COL3A1: variants seen among roughly 807,000 people sequenced by gnomAD.
The protein encoded by COL3A1 is collagen alpha-1(III) chain.
In COL3A1, 46 loss-of-function variants were observed where a neutral mutation model predicts 200.9. The ratio of observed to expected loss-of-function variants is 0.23; its 90% CI spans 0.18 to 0.29. The LOEUF (loss-of-function observed/expected upper bound fraction) is 0.29, where lower values mean the gene tolerates loss of function less well. Among genes scored for constraint, COL3A1 ranks in the 10% least tolerant of loss-of-function variants. The probability of loss-of-function intolerance (pLI) is 1.00; values close to 1 mark genes in which losing one functional copy is unlikely to be tolerated. For synonymous variants in COL3A1, 650 were observed against 628.0 expected, an observed-to-expected ratio of 1.03 and a Z score of -0.52; for missense variants, 1,367 against 1,917.6, an observed-to-expected ratio of 0.71 and a Z score of 5.36.
At position 189,006,349 on chromosome 2, in the gene COL3A1, A is replaced by T. The variant is rs1060500206; in HGVS notation, c.3098A>T (p.Asp1033Val). 3 of 1,614,016 alleles carry T rather than the reference A, an allele frequency of 1.9e-6. No individual in the cohort carries two copies. The African/African-American group carries it at 4.0e-5, about 22-fold the overall frequency. Residue 1033 changes from aspartate (D) to valine (V), a missense_variant, in exon 43 of 51, where the codon GAT (aspartate) becomes GTT (valine). Around this residue, in one of 5 missense-constraint regions of COL3A1, gnomAD observed 846 missense variants for 1,147.9 expected, o/e 0.74. Transcript: ENST00000304636. ...GRDGSPGGKGDRGENGSPGAP... is the reference protein window; with the variant it reads ...GRDGSPGGKGVRGENGSPGAP... ...TACCTATGAATTTGTTCACAGGGTG[A>T]TCGTGGTGAAAATGGCTCTCCTGGT...
intron 46 of COL3A1, 48 bp downstream of exon 46, chr2:189,007,986 G>A (rs772039992): frequency 2.0e-5 from 32 of 1,613,748 alleles, no homozygotes; most frequent in Non-Finnish European, 2.5e-5. Context: ...TCAGATGTCT[G>A]CATTTCAGAA....
At chr2:188,995,555 TA>T in intron 21 of COL3A1, 136 bp from the exon 22 acceptor site, 2 of 644,310 alleles carry the variant, frequency 3.1e-6, no homozygotes, top group Non-Finnish European at 5.4e-6. Context: ...TAACTGATTT[TA>T]TGTATAAATG....
At position 188,996,182 on chromosome 2, in the gene COL3A1, T is replaced by C. The variant is rs1319321003; in HGVS notation, c.1662+4T>C. On this transcript the variant is annotated splice_donor_region_variant and intron_variant, in intron 23 of 50. Coordinates refer to ENST00000304636, the MANE Select transcript of COL3A1 (RefSeq NM_000090.4). ...TGATGGGAAACCAGGGCCTCCCGTA[T>C]GTACATTTTTAAAATCTCATTTTAA... 4.3e-6 allele frequency: 7 copies of C among 1,613,102 alleles called. No homozygotes were observed. The highest frequency in any genetic ancestry group is 1.3e-5 in the African/African-American group (1 of 74,906).
At chr2:188,989,843 G>A (rs1688148617) in intron 8 of COL3A1, among the ~76,000 whole-genome samples, 1 of 151,996 alleles carries the variant, frequency 6.6e-6, no homozygotes, top group African/African-American at 2.4e-5. Flanking sequence ...AATCTCCAAT[G>A]GCAAATTCTT....
In COL3A1 at chr2:188,999,588, G is replaced by T; in HGVS notation, c.2229+11G>T. ...CCAAAGGGTGACAAGGTGTTGACTT[G>T]TTTTCTCTTAATTGTTCAATAAATC... On this transcript the variant is annotated intron_variant, in intron 31 of 50. Transcript: ENST00000304636. 6.2e-7 allele frequency: 1 copy of T among 1,602,710 alleles called. No individual in the cohort carries two copies. Among genetic ancestry groups the T allele is most frequent in the Non-Finnish European group, 8.5e-7 (1 of 1,174,500 alleles).
chr2:188,974,607 T>C lies in COL3A1; in HGVS notation c.79+39T>C, dbSNP rs776906485. The C allele has an allele frequency of 2.0e-5, 31 of 1,548,524 alleles. No homozygotes were observed. The Admixed American group carries it at 4.8e-4, about 24-fold the overall frequency. On this transcript the variant is annotated intron_variant, in intron 1 of 50. Transcript: ENST00000304636. The stretch of plus-strand genomic sequence containing the variant: ...GATTTCAAGAAACTTTATGGGATTT[T>C]TGTCTTTCTTCTCCTCACAAAGAGG...
At chr2:189,010,049 T>C (rs1048753919) in intron 48 of COL3A1, 129 bp from the exon 49 acceptor site, 1 of 845,702 alleles carries the variant, frequency 1.2e-6, no homozygotes. Flanking sequence ...AAAGCTTCTC[T>C]ATCATTCTAT....
chr2:188,999,641 C>G, intron 31 of COL3A1, 64 bp downstream of exon 31: 1 of 1,522,456 alleles, frequency 6.6e-7, no homozygotes, highest in South Asian at 1.1e-5. Flanking sequence ...AAAAAAGCAA[C>G]ACTCCTGGAA....
chr2:189,003,138 T>C (rs1688506955), intron 36 of COL3A1, 76 bp downstream of exon 36: 1 of 1,152,286 alleles, frequency 8.7e-7, no homozygotes, highest in Admixed American at 2.0e-5. Flanking sequence ...TCTCTCCCTC[T>C]CTCTCTCCCT....
intron 13 of COL3A1, 40 bp from the exon 14 acceptor site, chr2:188,992,144 C>T (rs1250220158): frequency 6.2e-7 from 1 of 1,607,448 alleles, no homozygotes; most frequent in South Asian, 1.1e-5. Flanking sequence ...ACCAGCCATT[C>T]AGAATTAAAA....
chr2:188,980,051 G>A (rs192696995), intron 1 of COL3A1, among the ~76,000 whole-genome samples: 82 of 151,628 alleles, frequency 5.4e-4, no homozygotes, highest in Non-Finnish European at 3.1e-4. Flanking sequence ...TTTTACTAAC[G>A]CTGGCAAATA....
intron 49 of COL3A1, 45 bp from the exon 50 acceptor site, chr2:189,010,603 T>A: frequency 6.2e-7 from 1 of 1,613,562 alleles, no homozygotes; most frequent in East Asian, 2.2e-5. Flanking sequence ...TCGCGTGCAG[T>A]TACAACTGAA....
At chr2:188,984,248 C>A (rs1199181717) in intron 1 of COL3A1, among the ~76,000 whole-genome samples, 1 of 151,934 alleles carries the variant, frequency 6.6e-6, no homozygotes, top group African/African-American at 2.4e-5. Context: ...TTAAAACTTT[C>A]CCAGGAAAAT....
In COL3A1 at chr2:188,998,318, C is replaced by A. The variant is rs756822808; in HGVS notation, c.1976C>A (p.Pro659Gln). 6 of 1,613,102 alleles carry A rather than the reference C, an allele frequency of 3.7e-6. No individual in the cohort carries two copies. The African/African-American group carries it at 8.0e-5, about 22-fold the overall frequency. ...PPGENGKPGE[P>Q]GPKGDAGAPG... is the part of the protein sequence containing the mutation. ...GGAGAAAATGGAAAACCTGGGGAAC[C>A]AGTAAGTTACGTTTCATTATTCAAA... The change falls in exon 28 of 51, where the codon CCA becomes CAA. Residue 659 changes from proline (P) to glutamine (Q), a missense_variant and splice_region_variant. This residue lies in a region of COL3A1 where 846 missense variants were observed against 1,147.9 expected (regional missense o/e 0.74). Coordinates refer to ENST00000304636, the MANE Select transcript of COL3A1 (RefSeq NM_000090.4).
intron 45 of COL3A1, 87 bp downstream of exon 45, chr2:189,007,694 A>G (rs1688625931): frequency 1.6e-6 from 2 of 1,275,190 alleles, no homozygotes; most frequent in Non-Finnish European, 2.2e-6. Context: ...CTCTAAAAAT[A>G]TGTACTAGAA....
At chr2:188,998,160 A>T in intron 27 of COL3A1, 106 bp from the exon 28 acceptor site, 1 of 1,023,374 alleles carries the variant, frequency 9.8e-7, no homozygotes, top group Non-Finnish European at 1.5e-6. Flanking sequence ...CTACAAGACC[A>T]CTGGAACTTT....
intron 1 of COL3A1, among the ~76,000 whole-genome samples, chr2:188,979,352 A>G (rs1687901536): frequency 6.6e-6 from 1 of 151,984 alleles, no homozygotes; most frequent in South Asian, 2.1e-4. Context: ...TTAGATGTAT[A>G]TTAACATGAA....
chr2:188,978,781 A>G (rs1031922200), intron 1 of COL3A1, among the ~76,000 whole-genome samples: 3 of 149,140 alleles, frequency 2.0e-5, no homozygotes, highest in Non-Finnish European at 3.0e-5. Flanking sequence ...AAAAAAGATC[A>G]TATAGTGTAA....
In COL3A1 at chr2:189,009,240, C is replaced by G; in HGVS notation, c.3823+19C>G. ...AAGAGTGGTATGTTTGGTAGTCTTT[C>G]ATCTTCATGGCAATAGGATTACAGA... On this transcript the variant is annotated intron_variant, in intron 48 of 50. Transcript: ENST00000304636. 1.9e-6 allele frequency: 3 copies of G among 1,613,772 alleles called. No individual in the cohort carries two copies. The highest frequency in any genetic ancestry group is 2.5e-6 in the Non-Finnish European group (3 of 1,179,910).
Sources: gnomAD v4.1 joint callset for allele counts (sites outside exome capture counted in the v4.1 genomes callset) on GRCh38, gnomAD v4.1.1 for gene constraint, gnomAD v4.1.1 regional missense constraint, MANE v1.5 for transcripts, NCBI Gene and HGNC (gene_info 2026-07-23, HGNC 2026-07-21) for gene names.